Variants in PARD3 observed in about 807,000 individuals in gnomAD.
The protein encoded by PARD3 is par-3 family cell polarity regulator.
PARD3 carries 75 observed loss-of-function variants against 155.4 expected under a neutral mutation model. That is an observed-to-expected ratio of 0.48 (90% CI 0.40 to 0.58). PARD3 has a LOEUF of 0.58. PARD3 is among the 20% of genes least tolerant of loss of function. The probability of loss-of-function intolerance (pLI) is 0.00; values close to 1 mark genes in which losing one functional copy is unlikely to be tolerated. For synonymous variants in PARD3, 576 were observed against 610.5 expected (o/e 0.94, Z 0.83); for missense variants, 1,642 against 1,721.7 (o/e 0.95, Z 0.82).
At chr10:34,666,573 T>C (rs1419057951) in intron 2 of PARD3, among the ~76,000 whole-genome samples, 1 of 151,692 alleles carries the variant, frequency 6.6e-6, no homozygotes, top group African/African-American at 2.4e-5. Context: ...CCTCATGTGT[T>C]GTACTTCTGC....
At chr10:34,330,434 A>G (rs924039092) in intron 19 of PARD3, among the ~76,000 whole-genome samples, 4 of 152,186 alleles carry the variant, frequency 2.6e-5, no homozygotes, top group Admixed American at 2.0e-4. Flanking sequence ...ATTTCAAAAT[A>G]AACACACATA....
Position 34,360,218 on chromosome 10 carries a change from G to C in PARD3, c.1749C>G (p.Thr583=), listed in dbSNP as rs61735565. 35,406 of 1,613,572 alleles carry C rather than the reference G, an allele frequency of 0.022. 473 individuals are homozygous for C. Among genetic ancestry groups the C allele is most frequent in the Middle Eastern group, 0.027 (165 of 6,062 alleles). Reference sequence around the variant, plus strand: ...GGACTTCAAATGTCAGAAATTCCCTGGTGCCATCAGGTGTAAGAACAATAT... The same window carrying C: ...GGACTTCAAATGTCAGAAATTCCCTCGTGCCATCAGGTGTAAGAACAATAT... ...DEDIVLTPDG[T]REFLTFEVPL... is the part of the protein sequence containing the mutation. The change falls in exon 13 of 25, where the codon ACC becomes ACG. Residue 583 remains threonine (T), a synonymous_variant. Coordinates refer to ENST00000374788, the MANE Select transcript of PARD3 (RefSeq NM_001184785.2).
intron 19 of PARD3, among the ~76,000 whole-genome samples, chr10:34,328,178 T>C (rs1835240405): frequency 1.3e-5 from 2 of 151,820 alleles, no homozygotes; most frequent in South Asian, 2.1e-4. Flanking sequence ...AAACAAAGAG[T>C]TTGCTGAAGT....
At chr10:34,783,431 C>T (rs917663105) in intron 1 of PARD3, among the ~76,000 whole-genome samples, 4 of 151,566 alleles carry the variant, frequency 2.6e-5, no homozygotes, top group East Asian at 2.0e-4. Flanking sequence ...GGTGAAACCC[C>T]GTCTTCACTA....
intron 2 of PARD3, among the ~76,000 whole-genome samples, chr10:34,657,527 GT>G (rs2093205976): frequency 8.4e-6 from 1 of 119,434 alleles, no homozygotes; most frequent in Middle Eastern, 3.9e-3. Context: ...TCTCAGTTTT[GT>G]TTTGTTTGTT....
intron 1 of PARD3, among the ~76,000 whole-genome samples, chr10:34,712,061 A>G (rs1215522090): frequency 1.3e-5 from 2 of 152,182 alleles, no homozygotes; most frequent in African/African-American, 4.8e-5. Context: ...AGAAGAAGTG[A>G]GCTTAAGCCC....
chr10:34,224,928 T>C (rs979052131), intron 22 of PARD3, among the ~76,000 whole-genome samples: 3 of 152,220 alleles, frequency 2.0e-5, no homozygotes, highest in African/African-American at 7.2e-5. Flanking sequence ...TTTATTCCTT[T>C]TCCTGAACAA....
chr10:34,538,955 T>C (rs1211940262), intron 2 of PARD3, among the ~76,000 whole-genome samples: 1 of 152,180 alleles, frequency 6.6e-6, no homozygotes, highest in Non-Finnish European at 1.5e-5. Context: ...CAAATGACTC[T>C]CAAAATGAAA....
At chr10:34,733,097 A>C (rs1391013836) in intron 1 of PARD3, among the ~76,000 whole-genome samples, 1 of 152,196 alleles carries the variant, frequency 6.6e-6, no homozygotes, top group Non-Finnish European at 1.5e-5. Context: ...AGGAAACAAG[A>C]AGCTCACCTC....
intron 1 of PARD3, among the ~76,000 whole-genome samples, chr10:34,781,579 A>C (rs1840241242): frequency 6.6e-6 from 1 of 152,254 alleles, no homozygotes; most frequent in African/African-American, 2.4e-5. Context: ...TGACAGCTGG[A>C]TCTGATTCTC....
chr10:34,808,579 C>T (rs1843688062), intron 1 of PARD3, among the ~76,000 whole-genome samples: 1 of 152,174 alleles, frequency 6.6e-6, no homozygotes, highest in African/African-American at 2.4e-5. Context: ...TGCCATCTCC[C>T]CCGATGGAAA....
chr10:34,429,446 G>A (rs1367071698), intron 5 of PARD3, among the ~76,000 whole-genome samples: 2 of 151,152 alleles, frequency 1.3e-5, no homozygotes, highest in Non-Finnish European at 2.9e-5. Flanking sequence ...CCAGGCTGGA[G>A]TACAAGTGGC....
At chr10:34,587,879 C>T (rs1435029507) in intron 2 of PARD3, among the ~76,000 whole-genome samples, 1 of 152,184 alleles carries the variant, frequency 6.6e-6, no homozygotes, top group Non-Finnish European at 1.5e-5. Flanking sequence ...CAGCTCAGGG[C>T]TGGCTCCGTG....
intron 12 of PARD3, among the ~76,000 whole-genome samples, chr10:34,361,773 T>C (rs1445509073): frequency 6.6e-6 from 1 of 152,112 alleles, no homozygotes; most frequent in African/African-American, 2.4e-5. Context: ...TCTCAAAGGA[T>C]GGCCTGATAG....
intron 22 of PARD3, among the ~76,000 whole-genome samples, chr10:34,164,548 C>T (rs545854458): frequency 2.6e-5 from 4 of 152,250 alleles, no homozygotes; most frequent in South Asian, 2.1e-4. Context: ...AATATGACAA[C>T]GTAAGACAAC....
At chr10:34,254,066 C>T (rs1053230607) in intron 22 of PARD3, among the ~76,000 whole-genome samples, 3 of 152,126 alleles carry the variant, frequency 2.0e-5, no homozygotes, top group Non-Finnish European at 2.9e-5. Context: ...TGCACTTGTA[C>T]CTGATGAATA....
At chr10:34,122,845 T>C (rs111960818) in intron 23 of PARD3, among the ~76,000 whole-genome samples, 2,077 of 152,318 alleles carry the variant, frequency 0.014, 51 homozygotes, top group African/African-American at 0.047. Flanking sequence ...ATCTGGAATT[T>C]TACACACTGT....
At chr10:34,706,572 G>A (rs781263974) in intron 1 of PARD3, among the ~76,000 whole-genome samples, 7 of 151,892 alleles carry the variant, frequency 4.6e-5, no homozygotes, top group Non-Finnish European at 1.0e-4. Flanking sequence ...GCAAGACCCT[G>A]TCTCTATAAA....
intron 23 of PARD3, among the ~76,000 whole-genome samples, chr10:34,120,475 A>G (rs1444557696): frequency 6.6e-6 from 1 of 152,202 alleles, no homozygotes; most frequent in African/African-American, 2.4e-5. Context: ...AAAAGAGGGA[A>G]AGTCCAGGAG....
Sources: allele counts gnomAD v4.1 joint callset (sites outside exome capture counted in the v4.1 genomes callset), GRCh38; gene constraint gnomAD v4.1.1; transcripts MANE v1.5; gene names NCBI Gene and HGNC (gene_info 2026-07-23, HGNC 2026-07-21).